Variants in GPC6 observed in about 807,000 individuals in gnomAD.
The protein encoded by GPC6 is glypican-6.
A neutral mutation model predicts 55.2 loss-of-function variants in GPC6; 14 were observed. The ratio of observed to expected loss-of-function variants is 0.25; its 90% CI spans 0.17 to 0.40. The LOEUF (loss-of-function observed/expected upper bound fraction) is 0.40, where lower values mean the gene tolerates loss of function less well. GPC6 is among the 10% of genes least tolerant of loss of function. The pLI is 1.00. For synonymous variants in GPC6, 278 were observed against 259.6 expected, an observed-to-expected ratio of 1.07 and a Z score of -0.68; for missense variants, 641 against 708.5, an observed-to-expected ratio of 0.90 and a Z score of 1.08.
At chr13:93,916,319 A>C (rs1465578883) in intron 3 of GPC6, among the ~76,000 whole-genome samples, 1 of 152,144 alleles carries the variant, frequency 6.6e-6, no homozygotes, top group Non-Finnish European at 1.5e-5. Context: ...TACAGGCATA[A>C]ATCGGCACTT....
intron 2 of GPC6, among the ~76,000 whole-genome samples, chr13:93,819,773 T>A (rs1201759611): frequency 2.6e-5 from 4 of 152,206 alleles, no homozygotes; most frequent in African/African-American, 9.6e-5. Flanking sequence ...GAATTAATAG[T>A]TTATCTATAC....
At chr13:93,562,698 C>T (rs1028122666) in intron 2 of GPC6, among the ~76,000 whole-genome samples, 13 of 152,044 alleles carry the variant, frequency 8.6e-5, no homozygotes, top group African/African-American at 2.7e-4. Context: ...TTTTCTTGCC[C>T]AATAAATATG....
chr13:94,001,180 C>T (rs1460009571), intron 3 of GPC6, among the ~76,000 whole-genome samples: 2 of 152,156 alleles, frequency 1.3e-5, no homozygotes, highest in African/African-American at 4.8e-5. Context: ...ACTCTCTAAG[C>T]CTCAGTTTCC....
intron 4 of GPC6, among the ~76,000 whole-genome samples, chr13:94,190,391 G>A (rs1411618962): frequency 6.6e-6 from 1 of 151,952 alleles, no homozygotes; most frequent in African/African-American, 2.4e-5. Flanking sequence ...CATATGTGTT[G>A]CCTACTGAAA....
At chr13:93,905,096 A>G (rs1179561000) in intron 3 of GPC6, among the ~76,000 whole-genome samples, 3 of 124,708 alleles carry the variant, frequency 2.4e-5, no homozygotes, top group Admixed American at 7.8e-5. Flanking sequence ...TTTTTTTTGA[A>G]AGGGGGTGCT....
chr13:93,299,044 A>G (rs1878590811), intron 1 of GPC6, among the ~76,000 whole-genome samples: 2 of 152,140 alleles, frequency 1.3e-5, no homozygotes, highest in African/African-American at 4.8e-5. Context: ...TGGACTCAGT[A>G]AAGATTTATT....
chr13:93,348,324 ACTT>A lies in GPC6; in HGVS notation c.160+120713_160+120715del, dbSNP rs1479026258. Among the ~76,000 whole-genome samples the A allele has an allele frequency of 4.6e-5, 7 of 152,286 alleles. No homozygotes were observed. In the East Asian group the frequency reaches 1.2e-3, roughly 25 times the overall value. On this transcript the variant is annotated intron_variant, in intron 1 of 8. Transcript: ENST00000377047. ...GAGACTCAAGTTTGAGAATTAAAGAACTTCTTCAATGTCTTGCCAAGTAGATTG... is the reference window on the plus strand; with the variant it reads ...GAGACTCAAGTTTGAGAATTAAAGAACTTCAATGTCTTGCCAAGTAGATTG...
At chr13:93,506,988 G>A (rs927488900) in intron 1 of GPC6, among the ~76,000 whole-genome samples, 4 of 149,608 alleles carry the variant, frequency 2.7e-5, no homozygotes, top group African/African-American at 9.8e-5. Flanking sequence ...AACCCGGGAG[G>A]GAGGCGAAGC....
intron 2 of GPC6, among the ~76,000 whole-genome samples, chr13:93,720,392 T>G (rs1272596584): frequency 6.6e-6 from 1 of 152,090 alleles, no homozygotes; most frequent in Non-Finnish European, 1.5e-5. Context: ...TAGTTTGTAT[T>G]TCTGTGGGAT....
At chr13:93,681,979 A>AT (rs1469003498) in intron 2 of GPC6, among the ~76,000 whole-genome samples, 1 of 151,904 alleles carries the variant, frequency 6.6e-6, no homozygotes, top group Non-Finnish European at 1.5e-5. Context: ...AATTGTATTG[A>AT]TTTTTTTCTA....
At chr13:93,388,961 C>A (rs1380688350) in intron 1 of GPC6, among the ~76,000 whole-genome samples, 1 of 152,074 alleles carries the variant, frequency 6.6e-6, no homozygotes, top group Non-Finnish European at 1.5e-5. Flanking sequence ...TTTCTTTCCC[C>A]TTCCTCTTTT....
At chr13:93,243,462 A>G (rs1876503166) in intron 1 of GPC6, among the ~76,000 whole-genome samples, 1 of 152,162 alleles carries the variant, frequency 6.6e-6, no homozygotes, top group African/African-American at 2.4e-5. Context: ...GGTCTACAGG[A>G]CTTGCAGTAG....
intron 2 of GPC6, among the ~76,000 whole-genome samples, chr13:93,791,310 A>T (rs1197544258): frequency 2.0e-5 from 3 of 152,228 alleles, no homozygotes; most frequent in Non-Finnish European, 4.4e-5. Context: ...AAAAAACTGC[A>T]GTGCAAGAAA....
intron 1 of GPC6, among the ~76,000 whole-genome samples, chr13:93,518,263 G>C (rs1384263596): frequency 6.6e-6 from 1 of 151,890 alleles, no homozygotes. Context: ...CTGTTTTGGA[G>C]ACTTCCCGGC....
intron 4 of GPC6, among the ~76,000 whole-genome samples, chr13:94,252,921 G>A (rs1891400972): frequency 6.6e-6 from 1 of 150,790 alleles, no homozygotes; most frequent in Non-Finnish European, 1.5e-5. Flanking sequence ...TTCTGGGGGA[G>A]GGGGATGGCT....
chr13:94,059,100 G>C (rs935270802), intron 4 of GPC6, among the ~76,000 whole-genome samples: 5 of 151,684 alleles, frequency 3.3e-5, no homozygotes, highest in Admixed American at 2.0e-4. Flanking sequence ...TTTTAAGAAG[G>C]CAAAATCTCT....
At chr13:93,922,119 T>A (rs1877607257) in intron 3 of GPC6, among the ~76,000 whole-genome samples, 1 of 152,116 alleles carries the variant, frequency 6.6e-6, no homozygotes, top group Non-Finnish European at 1.5e-5. Context: ...AAGAGGGTCG[T>A]GATAGTGAAA....
chr13:94,402,894 A>T (rs144901104), intron 8 of GPC6, 121 bp from the exon 9 acceptor site: 20 of 819,784 alleles, frequency 2.4e-5, no homozygotes, highest in South Asian at 2.3e-4. Flanking sequence ...TTACCTCCAC[A>T]TGGCCTCTCC....
chr13:93,456,213 C>A (rs1475027655), intron 1 of GPC6, among the ~76,000 whole-genome samples: 1 of 152,026 alleles, frequency 6.6e-6, no homozygotes, highest in East Asian at 1.9e-4. Context: ...AGCTTAAAAG[C>A]TTCAGCATTC....
Sources: gnomAD v4.1 joint callset for allele counts (sites outside exome capture counted in the v4.1 genomes callset) on GRCh38, gnomAD v4.1.1 for gene constraint, MANE v1.5 for transcripts, NCBI Gene and HGNC (gene_info 2026-07-23, HGNC 2026-07-21) for gene names.